The following CDK14 variants were observed in gnomAD, a reference collection of about 807,000 sequenced individuals.
CDK14 encodes the protein cyclin dependent kinase 14.
CDK14 carries 34 observed loss-of-function variants against 60.7 expected under a neutral mutation model. That is an observed-to-expected ratio of 0.56 (90% CI 0.43 to 0.75). CDK14 has a LOEUF of 0.75. Among genes scored for constraint, CDK14 ranks in the 30% least tolerant of loss-of-function variants. The pLI is 0.00. For synonymous variants in CDK14, 197 were observed against 203.7 expected, an observed-to-expected ratio of 0.97 and a Z score of 0.28; for missense variants, 482 against 564.1, an observed-to-expected ratio of 0.85 and a Z score of 1.47.
intron 14 of CDK14, among the ~76,000 whole-genome samples, chr7:91,161,291 T>A (rs1213062364): frequency 2.6e-5 from 4 of 152,160 alleles, no homozygotes; most frequent in African/African-American, 7.2e-5. Context: ...CAGGACATGC[T>A]ATGATGGCAA....
At chr7:91,178,237 C>T (rs1209981912) in intron 14 of CDK14, among the ~76,000 whole-genome samples, 19 of 92,474 alleles carry the variant, frequency 2.1e-4, no homozygotes, top group Non-Finnish European at 4.0e-4. Context: ...ATAAATGGTG[C>T]TGGGAAAACT....
intron 5 of CDK14, among the ~76,000 whole-genome samples, chr7:90,862,812 A>G (rs1461656547): frequency 6.6e-6 from 1 of 152,232 alleles, no homozygotes; most frequent in African/African-American, 2.4e-5. Context: ...TTCCCTGATC[A>G]TAATGAAACC....
At chr7:90,753,674 A>G (rs974304121) in intron 4 of CDK14, among the ~76,000 whole-genome samples, 3 of 152,214 alleles carry the variant, frequency 2.0e-5, no homozygotes, top group African/African-American at 7.2e-5. Flanking sequence ...AAGGCATCCA[A>G]ATAAGAAATC....
intron 7 of CDK14, among the ~76,000 whole-genome samples, chr7:90,901,088 A>G (rs1792490342): frequency 6.6e-6 from 1 of 152,054 alleles, no homozygotes; most frequent in Non-Finnish European, 1.5e-5. Context: ...ACTGGGCTGT[A>G]CCTCTAGAAA....
chr7:90,910,004 T>C (rs1792839775), intron 7 of CDK14, among the ~76,000 whole-genome samples: 1 of 152,172 alleles, frequency 6.6e-6, no homozygotes, highest in African/African-American at 2.4e-5. Flanking sequence ...ACTGGATCTT[T>C]AAAATATATA....
chr7:91,172,850 C>T (rs1438834947), intron 14 of CDK14, among the ~76,000 whole-genome samples: 3 of 152,180 alleles, frequency 2.0e-5, no homozygotes, highest in South Asian at 2.1e-4. Context: ...CTCTTTCACT[C>T]ACATCAGATT....
At chr7:90,870,300 A>G (rs1791328884) in intron 6 of CDK14, among the ~76,000 whole-genome samples, 2 of 152,210 alleles carry the variant, frequency 1.3e-5, no homozygotes, top group South Asian at 2.1e-4. Context: ...ATGAGAACAC[A>G]TGGACACATA....
chr7:90,978,390 T>G (rs1338891105), intron 9 of CDK14, among the ~76,000 whole-genome samples: 1 of 152,048 alleles, frequency 6.6e-6, no homozygotes, highest in Non-Finnish European at 1.5e-5. Flanking sequence ...ATGTAGGGTA[T>G]GAGTAGAAAG....
intron 12 of CDK14, among the ~76,000 whole-genome samples, chr7:91,087,573 G>T (rs1167021730): frequency 6.6e-6 from 1 of 152,034 alleles, no homozygotes. Flanking sequence ...CTTTAAGTAA[G>T]GTAAGGGTAT....
chr7:91,140,958 G>T (rs1428908825), intron 14 of CDK14, among the ~76,000 whole-genome samples: 1 of 151,858 alleles, frequency 6.6e-6, no homozygotes, highest in African/African-American at 2.4e-5. Flanking sequence ...GTAGTGTATT[G>T]CTTGGTAAAA....
At chr7:90,755,318 A>G (rs1804011697) in intron 4 of CDK14, among the ~76,000 whole-genome samples, 2 of 152,222 alleles carry the variant, frequency 1.3e-5, no homozygotes, top group African/African-American at 4.8e-5. Context: ...TTGCAGCATC[A>G]TGGATGCAGC....
rs544327654 is a variant in CDK14 at position 90,929,458 on chromosome 7, T to C, written c.826+11734T>C. ...ACTGGGCAAGGGACGATTTTAAAAA[T>C]AGTTCTTTACATATCAATGTTAACA... On this transcript the variant is annotated intron_variant, in intron 8 of 14. Coordinates refer to ENST00000380050, the MANE Select transcript of CDK14 (RefSeq NM_001287135.2). Among the ~76,000 whole-genome samples the C allele has an allele frequency of 3.3e-5, 5 of 152,378 alleles. No individual in the cohort carries two copies. The South Asian group carries it at 6.2e-4, about 19-fold the overall frequency.
At chr7:90,716,403 T>G (rs745890178) in intron 2 of CDK14, 2 of 152,120 alleles carry the variant, frequency 1.3e-5, no homozygotes, top group Non-Finnish European at 2.9e-5. Flanking sequence ...TAGTAAGTAG[T>G]AAGCAAAGCA....
chr7:90,750,881 GAAAA>G (rs912624933), intron 4 of CDK14, among the ~76,000 whole-genome samples: 1 of 148,796 alleles, frequency 6.7e-6, no homozygotes, highest in African/African-American at 2.5e-5. Context: ...CAAAAAAAAA[GAAAA>G]AAAAAGAAAA....
chr7:90,840,820 C>A lies in CDK14; in HGVS notation c.545-22355C>A, dbSNP rs554149450. Among the ~76,000 whole-genome samples, 12 of 152,268 alleles carry A rather than the reference C, an allele frequency of 7.9e-5. No homozygotes were observed. In the South Asian group the frequency reaches 2.3e-3, roughly 29 times the overall value. ...ACTGCTTACCATAGTTTCTCTTATA[C>A]CAAAGGGCTACAGCTGTTCTCCATT... On this transcript the variant is annotated intron_variant, in intron 5 of 14. Coordinates refer to ENST00000380050, the MANE Select transcript of CDK14 (RefSeq NM_001287135.2).
chr7:90,836,401 A>G (rs745745793), intron 5 of CDK14, among the ~76,000 whole-genome samples: 2 of 152,074 alleles, frequency 1.3e-5, no homozygotes, highest in African/African-American at 4.8e-5. Flanking sequence ...CCAATACACA[A>G]ACACACACAG....
At chr7:91,133,160 C>G (rs1334499181) in intron 14 of CDK14, among the ~76,000 whole-genome samples, 1 of 152,082 alleles carries the variant, frequency 6.6e-6, no homozygotes, top group African/African-American at 2.4e-5. Context: ...AATTCAGTAT[C>G]TTCATGGTCT....
chr7:90,807,034 T>G (rs1166217157), intron 5 of CDK14, among the ~76,000 whole-genome samples: 1 of 152,196 alleles, frequency 6.6e-6, no homozygotes. Flanking sequence ...AGACTCCACC[T>G]CTGGGGGCAG....
chr7:90,861,783 AC>A (rs1286309292), intron 5 of CDK14, among the ~76,000 whole-genome samples: 1 of 152,166 alleles, frequency 6.6e-6, no homozygotes, highest in Non-Finnish European at 1.5e-5. Context: ...AGAAAAAAAG[AC>A]TCTCAGATTA....
Sources: allele counts gnomAD v4.1 joint callset (sites outside exome capture counted in the v4.1 genomes callset), GRCh38; gene constraint gnomAD v4.1.1; transcripts MANE v1.5; gene names NCBI Gene and HGNC (gene_info 2026-07-23, HGNC 2026-07-21).